Variants in WWTR1 observed in about 807,000 individuals in gnomAD.
The protein encoded by WWTR1 is WW domain-containing transcription regulator protein 1.
In WWTR1, 13 loss-of-function variants were observed where a neutral mutation model predicts 40.1. The ratio of observed to expected loss-of-function variants is 0.32; its 90% CI spans 0.21 to 0.52. The LOEUF is 0.52. WWTR1 is among the 20% of genes least tolerant of loss of function. WWTR1 has a pLI of 0.97. For synonymous variants in WWTR1, 230 were observed against 210.1 expected (o/e 1.09, Z -0.82); for missense variants, 436 against 523.1 (o/e 0.83, Z 1.63).
intron 3 of WWTR1, among the ~76,000 whole-genome samples, chr3:149,571,772 C>G (rs541585390): frequency 6.6e-6 from 1 of 152,244 alleles, no homozygotes; most frequent in African/African-American, 2.4e-5. Context: ...ATTAACTGTT[C>G]TGTGTATAAA....
chr3:149,717,151 C>T (rs774103773), intron 5 of WWTR1, among the ~76,000 whole-genome samples: 1 of 152,096 alleles, frequency 6.6e-6, no homozygotes, highest in Non-Finnish European at 1.5e-5. Context: ...GACAGACTGG[C>T]CTTGTCTGGT....
chr3:149,594,828 A>G (rs1738905456), intron 2 of WWTR1, among the ~76,000 whole-genome samples: 1 of 151,988 alleles, frequency 6.6e-6, no homozygotes, highest in Admixed American at 6.6e-5. Flanking sequence ...TTATTGTACT[A>G]AGGTTAATTT....
At chr3:149,599,951 AG>A (rs1739172003) in intron 2 of WWTR1, among the ~76,000 whole-genome samples, 1 of 152,252 alleles carries the variant, frequency 6.6e-6, no homozygotes, top group African/African-American at 2.4e-5. Flanking sequence ...AAATAATGAT[AG>A]TACAACAATT....
intron 3 of WWTR1, among the ~76,000 whole-genome samples, chr3:149,546,178 T>C (rs1736356436): frequency 1.3e-5 from 2 of 152,218 alleles, no homozygotes; most frequent in Non-Finnish European, 2.9e-5. Context: ...TTCCATTTAA[T>C]TTAGATTTGA....
At position 149,519,545 on chromosome 3, in the gene WWTR1, G is replaced by A. The variant is rs575390325; in HGVS notation, c.*1260C>T. The A allele has an allele frequency of 1.1e-3, 169 of 152,306 alleles. No individual in the cohort carries two copies. The highest frequency in any genetic ancestry group is 3.9e-3 in the African/African-American group (163 of 41,566). The allele number at this position is 152,306 out of a possible 1,614,324, so 9.4% of individuals were successfully genotyped here. A position where few individuals can be genotyped will look rare whatever the true frequency, so the allele number is the denominator to read the frequency against. Reference sequence around the variant, plus strand: ...AGGTTGAAATCTATGTTGTCCTGATGTTTTCAGAGTTATTTCAAAAGACAA... The same window carrying A: ...AGGTTGAAATCTATGTTGTCCTGATATTTTCAGAGTTATTTCAAAAGACAA... On this transcript the variant is annotated 3_prime_UTR_variant, in exon 7 of 7. Coordinates refer to ENST00000360632, the MANE Select transcript of WWTR1 (RefSeq NM_015472.6).
intron 1 of WWTR1, among the ~76,000 whole-genome samples, chr3:149,692,653 G>C (rs1227231425): frequency 6.7e-6 from 1 of 149,776 alleles, no homozygotes; most frequent in Non-Finnish European, 1.5e-5. Context: ...GTTTGTTTGA[G>C]ACGGAGTTTC....
intron 2 of WWTR1, among the ~76,000 whole-genome samples, chr3:149,585,089 C>T (rs1000351978): frequency 6.6e-6 from 1 of 151,028 alleles, no homozygotes; most frequent in Non-Finnish European, 1.5e-5. Flanking sequence ...CATCAATTTA[C>T]TGCAAAAACT....
chr3:149,657,942 C>A lies in WWTR1; in HGVS notation c.-181G>T, dbSNP rs1713358457. On this transcript the variant is annotated 5_prime_UTR_variant, in exon 1 of 7. Coordinates refer to ENST00000360632, the MANE Select transcript of WWTR1 (RefSeq NM_015472.6). ...GTCTAAGGGCTTCGGCTCTCACATC[C>A]CCCGAGCTGGCCTAAGGCGCTAGTG... The A allele has an allele frequency of 6.5e-6, 1 of 152,742 alleles. No homozygotes were observed. The highest frequency in any genetic ancestry group is 2.4e-5 in the African/African-American group (1 of 41,592). The allele number at this position is 152,742 out of a possible 1,614,324, so 9.5% of individuals were successfully genotyped here.
chr3:149,626,868 G>A (rs1295736942), intron 2 of WWTR1, among the ~76,000 whole-genome samples: 2 of 152,136 alleles, frequency 1.3e-5, no homozygotes, highest in Non-Finnish European at 2.9e-5. Flanking sequence ...AGGCCACCAA[G>A]CAGCTGCTTG....
intron 6 of WWTR1, among the ~76,000 whole-genome samples, chr3:149,524,671 C>A (rs535270892): frequency 6.6e-6 from 1 of 152,108 alleles, no homozygotes; most frequent in Non-Finnish European, 1.5e-5. Context: ...ACAACCTACA[C>A]GAAAGACGCC....
chr3:149,536,589 C>T (rs983579024), intron 4 of WWTR1, among the ~76,000 whole-genome samples: 4 of 152,010 alleles, frequency 2.6e-5, no homozygotes, highest in African/African-American at 9.7e-5. Context: ...CCAGCTGGCC[C>T]GCCGCGCCTG....
chr3:149,704,121 G>T (rs1330769620), upstream of WWTR1, among the ~76,000 whole-genome samples: 1 of 152,128 alleles, frequency 6.6e-6, no homozygotes. Context: ...GAGATCACAG[G>T]CATGAGCCAC....
chr3:149,706,657 A>G (rs1294216769), upstream of WWTR1, among the ~76,000 whole-genome samples: 2 of 152,186 alleles, frequency 1.3e-5, no homozygotes, highest in African/African-American at 4.8e-5. Flanking sequence ...AAGGTGTATC[A>G]GAACTCTATT....
At chr3:149,668,785 A>G (rs1169298614) in intron 2 of WWTR1, among the ~76,000 whole-genome samples, 3 of 152,134 alleles carry the variant, frequency 2.0e-5, no homozygotes, top group Admixed American at 1.3e-4. Context: ...ATTTCTCCAC[A>G]TAAGCTCCCT....
chr3:149,550,523 G>A (rs1348057812), intron 3 of WWTR1, among the ~76,000 whole-genome samples: 1 of 152,094 alleles, frequency 6.6e-6, no homozygotes, highest in East Asian at 1.9e-4. Context: ...TCTTGGCAGA[G>A]TACTGAATTA....
At chr3:149,524,154 C>T (rs998831784) in intron 6 of WWTR1, among the ~76,000 whole-genome samples, 12 of 152,136 alleles carry the variant, frequency 7.9e-5, no homozygotes, top group Admixed American at 3.3e-4. Context: ...TACCCAAAGG[C>T]GCTACTAGGA....
intron 1 of WWTR1, among the ~76,000 whole-genome samples, chr3:149,692,086 G>C (rs1714844493): frequency 6.6e-6 from 1 of 151,628 alleles, no homozygotes; most frequent in Non-Finnish European, 1.5e-5. Flanking sequence ...AATAGAGGAG[G>C]AGTGAATTCT....
At chr3:149,536,896 G>A (rs772501734) in intron 4 of WWTR1, among the ~76,000 whole-genome samples, 10 of 152,210 alleles carry the variant, frequency 6.6e-5, no homozygotes, top group Middle Eastern at 6.8e-3. Flanking sequence ...CGTCTTCCAG[G>A]TCCTGGTCCT....
chr3:149,719,587 C>A (rs1715707620), intron 4 of WWTR1, among the ~76,000 whole-genome samples: 1 of 152,210 alleles, frequency 6.6e-6, no homozygotes, highest in Non-Finnish European at 1.5e-5. Flanking sequence ...GCTGTATGAA[C>A]ACGAGCATAC....
Sources: allele counts gnomAD v4.1 joint callset (sites outside exome capture counted in the v4.1 genomes callset), GRCh38; gene constraint gnomAD v4.1.1; transcripts MANE v1.5; gene names NCBI Gene and HGNC (gene_info 2026-07-23, HGNC 2026-07-21).